Variants in ASXL2 observed in about 807,000 individuals in gnomAD.
ASXL2 encodes the protein putative Polycomb group protein ASXL2.
A neutral mutation model predicts 122.0 loss-of-function variants in ASXL2; 23 were observed. The observed-to-expected ratio is 0.19, with a 90% CI of 0.14 to 0.27. The LOEUF (loss-of-function observed/expected upper bound fraction) is 0.27, where lower values mean the gene tolerates loss of function less well. Among genes scored for constraint, ASXL2 ranks in the 10% least tolerant of loss-of-function variants. ASXL2 has a pLI of 1.00. For missense variants in ASXL2, 1,518 were observed against 1,713.8 expected (o/e 0.89, Z 2.02); for synonymous variants, 650 against 637.0 (o/e 1.02, Z -0.31).
intron 3 of ASXL2, among the ~76,000 whole-genome samples, chr2:25,814,279 A>C (rs1235300505): frequency 6.6e-6 from 1 of 152,220 alleles, no homozygotes; most frequent in African/African-American, 2.4e-5. Flanking sequence ...CAGAGAAGCA[A>C]AACAGGACAC....
intron 3 of ASXL2, among the ~76,000 whole-genome samples, chr2:25,821,580 A>G (rs2089311459): frequency 6.6e-6 from 1 of 152,210 alleles, no homozygotes. Context: ...CCTGACCAAC[A>G]TGGTGAACCA....
intron 1 of ASXL2, among the ~76,000 whole-genome samples, chr2:25,876,124 T>C (rs1283217814): frequency 6.6e-6 from 1 of 152,186 alleles, no homozygotes; most frequent in African/African-American, 2.4e-5. Context: ...TAAAACACAT[T>C]TTCACTGAGA....
chr2:25,876,274 T>C (rs938549858), intron 1 of ASXL2, among the ~76,000 whole-genome samples: 1 of 152,230 alleles, frequency 6.6e-6, no homozygotes, highest in South Asian at 2.1e-4. Context: ...GGGCATGAAA[T>C]GAGCAAATAT....
At chr2:25,800,077 T>C (rs2088972990) in intron 4 of ASXL2, among the ~76,000 whole-genome samples, 1 of 151,430 alleles carries the variant, frequency 6.6e-6, no homozygotes, top group African/African-American at 2.4e-5. Context: ...GTGGGAGGAC[T>C]AAGCCCAGGA....
At chr2:25,868,798 A>G (rs2089930975) in intron 1 of ASXL2, among the ~76,000 whole-genome samples, 1 of 152,170 alleles carries the variant, frequency 6.6e-6, no homozygotes, top group Admixed American at 6.6e-5. Flanking sequence ...GGAGGCCAAT[A>G]GGAGAGGACT....
intron 5 of ASXL2, among the ~76,000 whole-genome samples, chr2:25,771,899 G>A (rs899475379): frequency 7.9e-5 from 12 of 152,124 alleles, no homozygotes; most frequent in African/African-American, 2.7e-4. Flanking sequence ...ATGACAACAC[G>A]ATACAGTGGA....
chr2:25,876,334 C>T (rs2090009458), intron 1 of ASXL2, among the ~76,000 whole-genome samples: 1 of 152,140 alleles, frequency 6.6e-6, no homozygotes, highest in Admixed American at 6.5e-5. Flanking sequence ...TCCTATTTGT[C>T]GCAATCTCCC....
At chr2:25,780,958 C>T (rs2088624322) in intron 5 of ASXL2, among the ~76,000 whole-genome samples, 1 of 151,518 alleles carries the variant, frequency 6.6e-6, no homozygotes, top group Admixed American at 6.6e-5. Context: ...GTGGCGGACG[C>T]CTGTAGTCCC....
chr2:25,854,340 C>T (rs1210725170), intron 1 of ASXL2, among the ~76,000 whole-genome samples: 1 of 152,194 alleles, frequency 6.6e-6, no homozygotes, highest in East Asian at 1.9e-4. Context: ...GATATATTAG[C>T]TTATTTAACC....
At chr2:25,834,789 G>T (rs537627541) in intron 3 of ASXL2, among the ~76,000 whole-genome samples, 115 of 151,902 alleles carry the variant, frequency 7.6e-4, no homozygotes, top group Non-Finnish European at 1.3e-3. Context: ...AACCCATTCT[G>T]CCCTGGTTTT....
At chr2:25,768,649 A>T in intron 7 of ASXL2, 93 bp downstream of exon 7, 3 of 1,380,344 alleles carry the variant, frequency 2.2e-6, no homozygotes, top group Non-Finnish European at 3.0e-6. Flanking sequence ...AATATAATTT[A>T]AAAATAAATG....
At chr2:25,830,779 T>C (rs1299714748) in intron 3 of ASXL2, 1 of 150,434 alleles carries the variant, frequency 6.6e-6, no homozygotes, top group Non-Finnish European at 1.5e-5. Context: ...AATATAAAAA[T>C]AAAAAATACA....
chr2:25,789,727 C>T (rs1404543089), intron 5 of ASXL2, among the ~76,000 whole-genome samples: 1 of 152,146 alleles, frequency 6.6e-6, no homozygotes, highest in Non-Finnish European at 1.5e-5. Flanking sequence ...GGATGCCCAA[C>T]CCAAATAATG....
At position 25,736,482 on chromosome 2, in the gene ASXL2, C is replaced by T. The variant is rs2087736879; in HGVS notation, c.*5547G>A. 1 of 152,018 alleles carries T rather than the reference C, an allele frequency of 6.6e-6. No individual in the cohort carries two copies. The highest frequency in any genetic ancestry group is 2.4e-5 in the African/African-American group (1 of 41,400). 9.4% of individuals were successfully genotyped at this position (152,018 alleles called of 1,614,324 possible). ...GGAAATTATGAAGATGCTAATGTCCCCTGAGACTTAAGAAGCTTCCTTTAG... is the reference window on the plus strand; with the variant it reads ...GGAAATTATGAAGATGCTAATGTCCTCTGAGACTTAAGAAGCTTCCTTTAG... On this transcript the variant is annotated 3_prime_UTR_variant, in exon 13 of 13. Coordinates refer to ENST00000435504, the MANE Select transcript of ASXL2 (RefSeq NM_018263.6).
intron 9 of ASXL2, among the ~76,000 whole-genome samples, chr2:25,758,484 T>C (rs2088178395): frequency 6.6e-6 from 1 of 152,056 alleles, no homozygotes; most frequent in African/African-American, 2.4e-5. Context: ...CTTAAAAAAT[T>C]GTAATTGTTC....
At position 25,743,178 on chromosome 2, in the gene ASXL2, T is replaced by C. The variant is rs371658847; in HGVS notation, c.3159A>G (p.Gln1053=). 29 of 1,613,902 alleles carry C rather than the reference T, an allele frequency of 1.8e-5. No individual in the cohort carries two copies. Among genetic ancestry groups the C allele is most frequent in the Middle Eastern group, 1.6e-4 (1 of 6,082 alleles). The change falls in exon 13 of 13, where the codon CAA becomes CAG. Residue 1053 remains glutamine (Q), a synonymous_variant. Transcript: ENST00000435504. ...TTGCTTTACTTAGTCCTTCGTGGTA[T>C]TGGTGTGTGTCAATGCTGGAGTCCC... is the stretch of plus-strand genomic sequence containing the variant. ...ELRDSSIDTH[Q]YHEGLSKATQ...
intron 11 of ASXL2, among the ~76,000 whole-genome samples, chr2:25,752,016 C>T (rs1224719441): frequency 2.0e-5 from 3 of 152,108 alleles, no homozygotes; most frequent in Admixed American, 6.6e-5. Flanking sequence ...AAGTGATCCG[C>T]CCACCTCAGC....
Position 25,742,453 on chromosome 2 carries a change from G to A in ASXL2, c.3884C>T (p.Pro1295Leu). 2.5e-6 allele frequency: 4 copies of A among 1,612,302 alleles called. No homozygotes were observed. The highest frequency in any genetic ancestry group is 3.4e-6 in the Non-Finnish European group (4 of 1,179,122). Residue 1295 changes from proline (P) to leucine (L), a missense_variant, in exon 13 of 13, where the codon CCT becomes CTT. This residue lies in a region of ASXL2 where 831 missense variants were observed against 833.1 expected (regional missense o/e 1.00). Coordinates refer to ENST00000435504, the MANE Select transcript of ASXL2 (RefSeq NM_018263.6). ...SPELFSSTVL[P>L]LPADSPTHQP... ...GTGGGTGGGGCTGTCTGCAGGCAGA[G>A]GAAGAACAGTAGAACTGAAAAGCTC...
intron 1 of ASXL2, among the ~76,000 whole-genome samples, chr2:25,864,243 T>TA (rs1353207651): frequency 1.3e-5 from 2 of 152,120 alleles, no homozygotes; most frequent in Admixed American, 1.3e-4. Flanking sequence ...TGCCAGGCGA[T>TA]ACGCCTTCAA....
Sources: allele counts gnomAD v4.1 joint callset (sites outside exome capture counted in the v4.1 genomes callset), GRCh38; gene constraint gnomAD v4.1.1; regional missense constraint gnomAD v4.1.1; transcripts MANE v1.5; gene names NCBI Gene and HGNC (gene_info 2026-07-23, HGNC 2026-07-21).